Variants in HHAT observed in about 807,000 individuals in gnomAD.
The protein encoded by HHAT is hedgehog acyltransferase, also known as protein-cysteine N-palmitoyltransferase HHAT.
In HHAT, 47 loss-of-function variants were observed where a neutral mutation model predicts 70.8. The ratio of observed to expected loss-of-function variants is 0.66; its 90% CI spans 0.53 to 0.85. The LOEUF is 0.85. HHAT is among the 40% of genes least tolerant of loss of function. The pLI, the probability that HHAT is intolerant of heterozygous loss-of-function variation, is 0.00. For synonymous variants in HHAT, 228 were observed against 247.6 expected (o/e 0.92, Z 0.74); for missense variants, 609 against 604.8 (o/e 1.01, Z -0.07).
chr1:210,410,797 A>G (rs911550807), intron 6 of HHAT, among the ~76,000 whole-genome samples: 6 of 152,078 alleles, frequency 3.9e-5, no homozygotes, highest in Non-Finnish European at 8.8e-5. Flanking sequence ...AAGTGCTGGG[A>G]TTACACGCAT....
At chr1:210,540,271 T>A (rs1457487948) in intron 9 of HHAT, among the ~76,000 whole-genome samples, 8 of 152,198 alleles carry the variant, frequency 5.3e-5, no homozygotes, top group African/African-American at 1.7e-4. Context: ...CGCAACAGCT[T>A]TTCTCCCAGG....
chr1:210,516,084 A>AG (rs2095052335), intron 9 of HHAT, among the ~76,000 whole-genome samples: 1 of 150,816 alleles, frequency 6.6e-6, no homozygotes, highest in Non-Finnish European at 1.5e-5. Flanking sequence ...GAAAAAGAAA[A>AG]AAAAAGGTAT....
intron 7 of HHAT, among the ~76,000 whole-genome samples, chr1:210,444,791 G>A (rs191502789): frequency 4.4e-4 from 67 of 152,138 alleles, no homozygotes; most frequent in African/African-American, 1.6e-3. Context: ...TGAGTTTACA[G>A]ACGTGAACCA....
chr1:210,360,092 G>C (rs767388662), intron 2 of HHAT, among the ~76,000 whole-genome samples: 16 of 152,192 alleles, frequency 1.1e-4, no homozygotes, highest in Non-Finnish European at 1.8e-4. Flanking sequence ...CTTGTGGAAA[G>C]ATGTCCTGCC....
intron 8 of HHAT, among the ~76,000 whole-genome samples, chr1:210,468,268 T>G (rs1378806161): frequency 6.6e-6 from 1 of 152,338 alleles, no homozygotes; most frequent in East Asian, 1.9e-4. Context: ...TCATTAAAGA[T>G]GACGTTGTAT....
chr1:210,621,261 A>G (rs1668768240), intron 10 of HHAT, among the ~76,000 whole-genome samples: 1 of 152,118 alleles, frequency 6.6e-6, no homozygotes, highest in Non-Finnish European at 1.5e-5. Flanking sequence ...GACGTTAACA[A>G]AGGAAAAATC....
chr1:210,517,542 CAAGGTCTGGG>C (rs1055483335), intron 9 of HHAT, among the ~76,000 whole-genome samples: 2 of 152,034 alleles, frequency 1.3e-5, no homozygotes, highest in Non-Finnish European at 2.9e-5. Context: ...TGGTAGCTAC[CAAGGTCTGGG>C]AGTAGGGACT....
intron 7 of HHAT, among the ~76,000 whole-genome samples, chr1:210,440,637 G>C (rs944955630): frequency 6.6e-6 from 1 of 151,820 alleles, no homozygotes; most frequent in Non-Finnish European, 1.5e-5. Context: ...TTGTGGAATT[G>C]TCTACTCGGT....
At chr1:210,654,701 G>A (rs753863048) in intron 11 of HHAT, among the ~76,000 whole-genome samples, 5 of 152,198 alleles carry the variant, frequency 3.3e-5, no homozygotes, top group South Asian at 4.1e-4. Context: ...ATTGTTCCCA[G>A]CCAAATGGCA....
intron 1 of HHAT, among the ~76,000 whole-genome samples, chr1:210,332,725 A>G (rs2143591): frequency 6.6e-6 from 1 of 152,188 alleles, no homozygotes; most frequent in African/African-American, 2.4e-5. Context: ...TGAAGGTTTC[A>G]TGGCTTCATT....
intron 8 of HHAT, among the ~76,000 whole-genome samples, chr1:210,507,987 C>T (rs984885511): frequency 2.0e-5 from 3 of 151,794 alleles, no homozygotes; most frequent in Non-Finnish European, 2.9e-5. Context: ...ATCACGAGGT[C>T]AGGAGATCAA....
At chr1:210,563,903 TTGACTAGCTGGTTAA>T (rs1474694065) in intron 9 of HHAT, among the ~76,000 whole-genome samples, 6 of 152,142 alleles carry the variant, frequency 3.9e-5, no homozygotes, top group African/African-American at 1.4e-4. Context: ...CAGTGAGTGG[TTGACTAGCTGGTTAA>T]GGTGATAGAT....
At chr1:210,450,124 C>T (rs990729685) in intron 7 of HHAT, among the ~76,000 whole-genome samples, 2 of 152,086 alleles carry the variant, frequency 1.3e-5, no homozygotes, top group Non-Finnish European at 2.9e-5. Flanking sequence ...AACCCCATCT[C>T]TACTAAAACT....
chr1:210,368,182 TC>T (rs1433266162), intron 3 of HHAT, among the ~76,000 whole-genome samples: 1 of 152,192 alleles, frequency 6.6e-6, no homozygotes, highest in Admixed American at 6.5e-5. Flanking sequence ...TTCATTTTTT[TC>T]CTTTTATTTA....
chr1:210,412,312 C>A (rs1432735582), intron 6 of HHAT, among the ~76,000 whole-genome samples: 1 of 152,198 alleles, frequency 6.6e-6, no homozygotes, highest in Non-Finnish European at 1.5e-5. Flanking sequence ...AAAATACACT[C>A]ATTCCATCCT....
At chr1:210,555,456 T>C (rs918091642) in intron 9 of HHAT, among the ~76,000 whole-genome samples, 1 of 152,186 alleles carries the variant, frequency 6.6e-6, no homozygotes, top group Non-Finnish European at 1.5e-5. Context: ...GACTGGGAAG[T>C]CCTGGAATTG....
intron 9 of HHAT, among the ~76,000 whole-genome samples, chr1:210,540,986 G>T (rs960746980): frequency 1.3e-5 from 2 of 151,974 alleles, no homozygotes; most frequent in African/African-American, 4.8e-5. Context: ...GACTACAGGC[G>T]CACGCCGCCA....
At chr1:210,595,654 C>T (rs1181442949) in intron 10 of HHAT, among the ~76,000 whole-genome samples, 1 of 152,186 alleles carries the variant, frequency 6.6e-6, no homozygotes, top group Non-Finnish European at 1.5e-5. Flanking sequence ...TAATGATTGC[C>T]ATTCTAACTG....
intron 9 of HHAT, among the ~76,000 whole-genome samples, chr1:210,514,973 G>A (rs114091582): frequency 6.6e-6 from 1 of 152,280 alleles, no homozygotes; most frequent in African/African-American, 2.4e-5. Context: ...GAGAGGCAGT[G>A]GTCAAGTGTC....
Sources: allele counts gnomAD v4.1 joint callset (sites outside exome capture counted in the v4.1 genomes callset), GRCh38; gene constraint gnomAD v4.1.1; transcripts MANE v1.5; gene names NCBI Gene and HGNC (gene_info 2026-07-23, HGNC 2026-07-21).